Variants in PLXDC2 observed in about 807,000 individuals in gnomAD.
PLXDC2 encodes the protein plexin domain-containing protein 2.
PLXDC2 carries 40 observed loss-of-function variants against 68.9 expected under a neutral mutation model. That is an observed-to-expected ratio of 0.58 (90% CI 0.45 to 0.76). The LOEUF is 0.76. PLXDC2 is among the 30% of genes least tolerant of loss of function. The pLI is 0.00. For missense variants in PLXDC2, 644 were observed against 661.9 expected, an observed-to-expected ratio of 0.97 and a Z score of 0.30; for synonymous variants, 243 against 234.2, an observed-to-expected ratio of 1.04 and a Z score of -0.34.
In PLXDC2 at chr10:19,835,206, C is replaced by A. The variant is rs190276528; in HGVS notation, c.112+18015C>A. Among the ~76,000 whole-genome samples the A allele has an allele frequency of 2.6e-5, 4 of 152,268 alleles. No homozygotes were observed. In the East Asian group the frequency reaches 7.7e-4, roughly 29 times the overall value. On this transcript the variant is annotated intron_variant, in intron 1 of 13. Coordinates refer to ENST00000377252, the MANE Select transcript of PLXDC2 (RefSeq NM_032812.9). ...CAGTTGGCCCAAAGTGCTGAAATTT[C>A]AGACTTGAGCCACCGCACCCAGACA...
rs556854706 is a variant in PLXDC2 at position 19,914,137 on chromosome 10, AGAAG to A, written c.113-87618_113-87615del. On this transcript the variant is annotated intron_variant, in intron 1 of 13. Coordinates refer to ENST00000377252, the MANE Select transcript of PLXDC2 (RefSeq NM_032812.9). Reference sequence around the variant, plus strand: ...AGGTAGGGAGGTAGGGAGGAAGGAAAGAAGGAAGGAAGGAAGGAAGGAAAGAAGG... The same window carrying A: ...AGGTAGGGAGGTAGGGAGGAAGGAAAGAAGGAAGGAAGGAAGGAAAGAAGG... 6.9e-3 allele frequency among the ~76,000 whole-genome samples: 1,037 copies of A among 151,322 alleles called. 5 individuals are homozygous for A. The highest frequency in any genetic ancestry group is 0.016 in the African/African-American group (677 of 41,180).
intron 9 of PLXDC2, among the ~76,000 whole-genome samples, chr10:20,188,259 C>A (rs1233512276): frequency 6.6e-6 from 1 of 151,732 alleles, no homozygotes. Flanking sequence ...GTATCTCCCC[C>A]TTTCCCCATC....
chr10:19,960,536 C>T (rs1202792652), intron 1 of PLXDC2, among the ~76,000 whole-genome samples: 1 of 152,088 alleles, frequency 6.6e-6, no homozygotes, highest in African/African-American at 2.4e-5. Flanking sequence ...TTTTTCCTTC[C>T]TATTCTGTCC....
chr10:19,872,486 G>A (rs1837557467), intron 1 of PLXDC2, among the ~76,000 whole-genome samples: 1 of 152,192 alleles, frequency 6.6e-6, no homozygotes, highest in Non-Finnish European at 1.5e-5. Context: ...TTGTCCTAAG[G>A]TCACTATGTA....
chr10:20,254,576 CTTTTTA>C (rs1448697551), intron 13 of PLXDC2, among the ~76,000 whole-genome samples: 4 of 152,128 alleles, frequency 2.6e-5, no homozygotes, highest in Admixed American at 2.6e-4. Context: ...AAATAAAATA[CTTTTTA>C]TTTATATTTC....
At chr10:19,938,276 C>T (rs1241373706) in intron 1 of PLXDC2, among the ~76,000 whole-genome samples, 1 of 152,046 alleles carries the variant, frequency 6.6e-6, no homozygotes, top group East Asian at 1.9e-4. Context: ...GACCTGGTAC[C>T]ATAGGAAGAT....
chr10:20,270,272 G>T (rs11011924), intron 13 of PLXDC2, among the ~76,000 whole-genome samples: 2 of 151,826 alleles, frequency 1.3e-5, no homozygotes, highest in Non-Finnish European at 2.9e-5. Context: ...CTTTGTTTGC[G>T]TAAAGGTTTA....
chr10:20,061,402 T>A (rs1836100494), intron 3 of PLXDC2, among the ~76,000 whole-genome samples: 1 of 152,164 alleles, frequency 6.6e-6, no homozygotes, highest in Non-Finnish European at 1.5e-5. Context: ...TAGGTCTCTG[T>A]TTTTGGCAAT....
chr10:20,282,799 C>T lies in PLXDC2; in HGVS notation c.*2980C>T, dbSNP rs1167942961. On this transcript the variant is annotated 3_prime_UTR_variant, in exon 14 of 14. Coordinates refer to ENST00000377252, the MANE Select transcript of PLXDC2 (RefSeq NM_032812.9). ...GTTTGGACTTCAAGATATACTAACA[C>T]CTAGAAAACTAAAAGTGCAATTGAC... 2 of 152,076 alleles carry T rather than the reference C, an allele frequency of 1.3e-5. No homozygotes were observed. Among genetic ancestry groups the T allele is most frequent in the Non-Finnish European group, 2.9e-5 (2 of 68,004 alleles). 9.4% of individuals were successfully genotyped at this position (152,076 alleles called of 1,614,324 possible). A position where few individuals can be genotyped will look rare whatever the true frequency, so the allele number is the denominator to read the frequency against.
rs189142487 is a variant in PLXDC2, at chr10:20,035,495, G to A, written c.325-11374G>A. Among the ~76,000 whole-genome samples the A allele has an allele frequency of 5.3e-5, 8 of 152,136 alleles. No homozygotes were observed. In the East Asian group the frequency reaches 1.4e-3, roughly 26 times the overall value. ...GTGGATCACTTGAGGTCGGGAGTTC[G>A]AGACCAGCCTGGCTAACATGGTAAA... On this transcript the variant is annotated intron_variant, in intron 2 of 13. Transcript: ENST00000377252.
intron 2 of PLXDC2, among the ~76,000 whole-genome samples, chr10:20,022,458 G>C (rs1477423714): frequency 1.3e-5 from 2 of 152,218 alleles, no homozygotes; most frequent in Non-Finnish European, 2.9e-5. Flanking sequence ...TAGAAAGGCT[G>C]AGGTCAGAAC....
At chr10:19,830,636 C>T (rs1237222974) in intron 1 of PLXDC2, among the ~76,000 whole-genome samples, 4 of 152,110 alleles carry the variant, frequency 2.6e-5, no homozygotes, top group African/African-American at 7.2e-5. Context: ...TGGCATATTT[C>T]CTGTGATCAG....
At chr10:20,014,494 TC>T (rs1483874366) in intron 2 of PLXDC2, among the ~76,000 whole-genome samples, 1 of 151,588 alleles carries the variant, frequency 6.6e-6, no homozygotes, top group Non-Finnish European at 1.5e-5. Context: ...TTTCTCTCTT[TC>T]TGTCATCAAC....
chr10:19,879,883 CT>C lies in PLXDC2; in HGVS notation c.112+62696del, dbSNP rs1397804538. ...TGTTTGGAAACCCCTAATCTAGGGACTTTTCTTTCCTTCTGTTATGTTATTG... is the reference window on the plus strand; with the variant it reads ...TGTTTGGAAACCCCTAATCTAGGGACTTTCTTTCCTTCTGTTATGTTATTG... On this transcript the variant is annotated intron_variant, in intron 1 of 13. Coordinates refer to ENST00000377252, the MANE Select transcript of PLXDC2 (RefSeq NM_032812.9). Among the ~76,000 whole-genome samples, 8 of 152,224 alleles carry C rather than the reference CT, an allele frequency of 5.3e-5. No homozygotes were observed. In the South Asian group the frequency reaches 1.7e-3, roughly 32 times the overall value.
chr10:19,932,846 G>A (rs774762275), intron 1 of PLXDC2, among the ~76,000 whole-genome samples: 20 of 152,070 alleles, frequency 1.3e-4, no homozygotes, highest in Admixed American at 2.6e-4. Flanking sequence ...GTAGTATGTC[G>A]CCTTTGAGAT....
At chr10:19,838,149 G>A (rs970913420) in intron 1 of PLXDC2, among the ~76,000 whole-genome samples, 1 of 151,986 alleles carries the variant, frequency 6.6e-6, no homozygotes, top group Admixed American at 6.5e-5. Context: ...TTTTTGTAAA[G>A]ACAGGGTCTT....
chr10:20,229,342 CA>C (rs1835328843), intron 12 of PLXDC2, among the ~76,000 whole-genome samples: 1 of 151,870 alleles, frequency 6.6e-6, no homozygotes, highest in Non-Finnish European at 1.5e-5. Flanking sequence ...AAACATGAAA[CA>C]GGAATGGGAA....
chr10:19,912,651 C>T (rs1833295064), intron 1 of PLXDC2, among the ~76,000 whole-genome samples: 2 of 151,932 alleles, frequency 1.3e-5, no homozygotes. Flanking sequence ...ATTTTACTTA[C>T]TTTAAAAACG....
At chr10:20,217,789 T>G (rs12256106) in intron 11 of PLXDC2, among the ~76,000 whole-genome samples, 82,427 of 151,474 alleles carry the variant, frequency 0.54, 24,307 homozygotes, top group African/African-American at 0.79. Context: ...ATTCTTTTAA[T>G]GCACTGTGCC....
Sources: gnomAD v4.1 joint callset for allele counts (sites outside exome capture counted in the v4.1 genomes callset) on GRCh38, gnomAD v4.1.1 for gene constraint, MANE v1.5 for transcripts, NCBI Gene and HGNC (gene_info 2026-07-23, HGNC 2026-07-21) for gene names.